Variants in TEX36 observed in about 807,000 individuals in gnomAD.
TEX36 encodes the protein testis expressed 36, also known as testis-expressed protein 36.
In TEX36, 12 loss-of-function variants were observed where a neutral mutation model predicts 13.6. The ratio of observed to expected loss-of-function variants is 0.88; its 90% CI spans 0.56 to 1.43. TEX36 has a LOEUF of 1.43. TEX36 is among the 40% of genes most tolerant of loss of function. The pLI is 0.00. For synonymous variants in TEX36, 93 were observed against 83.0 expected (o/e 1.12, Z -0.65); for missense variants, 224 against 228.3 (o/e 0.98, Z 0.12).
At chr10:125,583,780 A>G (rs1440551302) in intron 3 of TEX36, among the ~76,000 whole-genome samples, 1 of 152,266 alleles carries the variant, frequency 6.6e-6, no homozygotes, top group African/African-American at 2.4e-5. Context: ...GCCTCAATAT[A>G]GATACATAGC....
intron 3 of TEX36, among the ~76,000 whole-genome samples, chr10:125,628,744 G>C (rs1025801327): frequency 6.6e-6 from 1 of 152,234 alleles, no homozygotes; most frequent in Non-Finnish European, 1.5e-5. Context: ...AGAGCGAAAA[G>C]CTGGGGGATA....
At chr10:125,636,824 A>G (rs921839744) in intron 3 of TEX36, among the ~76,000 whole-genome samples, 17 of 152,148 alleles carry the variant, frequency 1.1e-4, no homozygotes, top group African/African-American at 3.9e-4. Context: ...TAAGTGTATA[A>G]TACGTTACTG....
At chr10:125,598,528 A>G (rs1039495333) in intron 3 of TEX36, among the ~76,000 whole-genome samples, 1 of 152,174 alleles carries the variant, frequency 6.6e-6, no homozygotes, top group Non-Finnish European at 1.5e-5. Flanking sequence ...CCTCTCCCCA[A>G]ACCAACAGAG....
chr10:125,596,153 T>C (rs529507351), intron 3 of TEX36, among the ~76,000 whole-genome samples: 1 of 152,284 alleles, frequency 6.6e-6, no homozygotes, highest in East Asian at 1.9e-4. Context: ...GGCTGAACAA[T>C]GGCCCTTCAA....
chr10:125,678,974 G>T (rs1847352471), intron 1 of TEX36, among the ~76,000 whole-genome samples: 1 of 152,092 alleles, frequency 6.6e-6, no homozygotes, highest in Non-Finnish European at 1.5e-5. Flanking sequence ...CTGTGCTGAG[G>T]CCCTGTCACT....
chr10:125,667,438 C>T, intron 1 of TEX36: 1 of 693,934 alleles, frequency 1.4e-6, no homozygotes. Flanking sequence ...CATGACAGGC[C>T]AGGACGTTGG....
downstream of TEX36, among the ~76,000 whole-genome samples, chr10:125,655,046 A>C (rs1247478639): frequency 6.6e-6 from 1 of 152,232 alleles, no homozygotes; most frequent in Non-Finnish European, 1.5e-5. Flanking sequence ...ATTATTTAAA[A>C]CAGAGTGAAT....
chr10:125,635,999 G>A (rs1366240023), intron 3 of TEX36, among the ~76,000 whole-genome samples: 1 of 151,826 alleles, frequency 6.6e-6, no homozygotes, highest in Non-Finnish European at 1.5e-5. Context: ...TCAGCCTCCT[G>A]AGTAGCTGGG....
intron 3 of TEX36, among the ~76,000 whole-genome samples, chr10:125,656,822 G>A (rs1846952464): frequency 6.6e-6 from 1 of 151,990 alleles, no homozygotes; most frequent in African/African-American, 2.4e-5. Context: ...CAACCCTAGG[G>A]ACCCAGGTAG....
chr10:125,638,050 A>G (rs1397282453), intron 3 of TEX36, among the ~76,000 whole-genome samples: 1 of 151,062 alleles, frequency 6.6e-6, no homozygotes, highest in Non-Finnish European at 1.5e-5. Context: ...TCAGCTGAAG[A>G]CCTCTCTCCA....
intron 3 of TEX36, among the ~76,000 whole-genome samples, chr10:125,612,155 C>T (rs557326116): frequency 1.7e-4 from 25 of 149,156 alleles, no homozygotes; most frequent in African/African-American, 5.9e-4. Flanking sequence ...GCAATCTTGG[C>T]TCACTGCAAC....
At chr10:125,674,506 A>T (rs1847282273) in intron 1 of TEX36, among the ~76,000 whole-genome samples, 1 of 152,048 alleles carries the variant, frequency 6.6e-6, no homozygotes, top group Non-Finnish European at 1.5e-5. Flanking sequence ...AGGCACTCTG[A>T]CTTTTTGAGT....
At chr10:125,649,087 T>C (rs1846814910) in intron 3 of TEX36, among the ~76,000 whole-genome samples, 1 of 152,248 alleles carries the variant, frequency 6.6e-6, no homozygotes, top group African/African-American at 2.4e-5. Flanking sequence ...CTCTTCAGGA[T>C]ATTATCCATG....
intron 1 of TEX36, among the ~76,000 whole-genome samples, chr10:125,675,319 C>G (rs1847294263): frequency 6.6e-6 from 1 of 152,130 alleles, no homozygotes. Flanking sequence ...GGCCACTCCT[C>G]CCCCTGGGAG....
chr10:125,634,472 T>C (rs2133569656), intron 3 of TEX36, among the ~76,000 whole-genome samples: 1 of 152,322 alleles, frequency 6.6e-6, no homozygotes, highest in African/African-American at 2.4e-5. Flanking sequence ...GTGAAATGCA[T>C]CTCTTCATCT....
intron 1 of TEX36, among the ~76,000 whole-genome samples, chr10:125,665,249 T>C (rs1273516155): frequency 6.6e-6 from 1 of 152,210 alleles, no homozygotes; most frequent in African/African-American, 2.4e-5. Flanking sequence ...TTTGATTTAA[T>C]ATAGTTCCAT....
intron 3 of TEX36, chr10:125,578,235 A>T (rs1845849588): frequency 6.6e-6 from 1 of 152,208 alleles, no homozygotes; most frequent in Admixed American, 6.5e-5. Flanking sequence ...CTGTTCTGAG[A>T]GCTGCTGATA....
chr10:125,654,868 C>T (rs1846914869), downstream of TEX36, among the ~76,000 whole-genome samples: 1 of 152,128 alleles, frequency 6.6e-6, no homozygotes, highest in South Asian at 2.1e-4. Context: ...TATTTCTCAA[C>T]ACTTTGTGCA....
chr10:125,630,088 A>G (rs185650407), intron 3 of TEX36, among the ~76,000 whole-genome samples: 1 of 152,332 alleles, frequency 6.6e-6, no homozygotes, highest in Admixed American at 6.5e-5. Context: ...CTTTACAACA[A>G]GTGTTTTCTA....
Sources: allele counts gnomAD v4.1 joint callset (sites outside exome capture counted in the v4.1 genomes callset), GRCh38; gene constraint gnomAD v4.1.1; transcripts MANE v1.5; gene names NCBI Gene and HGNC (gene_info 2026-07-23, HGNC 2026-07-21).